Variants in IFT25 observed in about 807,000 individuals in gnomAD.
The protein encoded by IFT25 is intraflagellar transport protein 25 homolog.
At chr1:53,928,426 T>C in the IFT25 span, 5 of 1,611,566 alleles carry the variant, frequency 3.1e-6, no homozygotes, top group African/African-American at 4.0e-5. Flanking sequence ...CTTTTTTCAA[T>C]CTTCAAGGTC....
chr1:53,916,895 A>G, the IFT25 span: 1 of 388,798 alleles, frequency 2.6e-6, no homozygotes, highest in Non-Finnish European at 4.5e-6. Context: ...TAATCCCAGC[A>G]CTTTGGGAGG....
the IFT25 span, among the ~76,000 whole-genome samples, chr1:53,937,699 T>G: frequency 6.6e-6 from 1 of 152,198 alleles, no homozygotes; most frequent in Non-Finnish European, 1.5e-5. Flanking sequence ...ACCAAAGTAG[T>G]GCAGGGTAAA....
At chr1:53,912,367 C>T in the IFT25 span, among the ~76,000 whole-genome samples, 39 of 152,252 alleles carry the variant, frequency 2.6e-4, no homozygotes, top group Admixed American at 1.6e-3. Flanking sequence ...TTTCTGGGTG[C>T]AGAGTTATGC....
chr1:53,931,637 T>G, the IFT25 span, among the ~76,000 whole-genome samples: 19 of 152,230 alleles, frequency 1.2e-4, no homozygotes, highest in Admixed American at 3.9e-4. Flanking sequence ...TTCATCTAAG[T>G]TGTCAAATGT....
chr1:53,921,209 G>A, the IFT25 span, among the ~76,000 whole-genome samples: 481 of 152,104 alleles, frequency 3.2e-3, 3 homozygotes, highest in African/African-American at 0.01. Flanking sequence ...AAAATCACTC[G>A]TTTTACAGGG....
chr1:53,919,405 A>G, the IFT25 span, among the ~76,000 whole-genome samples: 5 of 152,334 alleles, frequency 3.3e-5, no homozygotes, highest in African/African-American at 1.2e-4. Flanking sequence ...ACAAGAAACA[A>G]CTTGGAGCAG....
the IFT25 span, among the ~76,000 whole-genome samples, chr1:53,933,970 T>C: frequency 6.6e-6 from 1 of 152,220 alleles, no homozygotes. Context: ...GTGCCATTGT[T>C]GTCATATATT....
At chr1:53,919,326 T>C in the IFT25 span, among the ~76,000 whole-genome samples, 1 of 152,216 alleles carries the variant, frequency 6.6e-6, no homozygotes, top group Non-Finnish European at 1.5e-5. Context: ...CACTGGGGAT[T>C]TCCCTCTTTG....
the IFT25 span, among the ~76,000 whole-genome samples, chr1:53,939,144 C>A: frequency 2.0e-5 from 3 of 149,882 alleles, no homozygotes; most frequent in Non-Finnish European, 4.4e-5. Context: ...GTAATCCCAG[C>A]ACTTTGGAAG....
the IFT25 span, among the ~76,000 whole-genome samples, chr1:53,936,295 C>A: frequency 2.0e-5 from 3 of 150,322 alleles, no homozygotes; most frequent in South Asian, 6.3e-4. Flanking sequence ...CTCAAAAAAA[C>A]AAAAATTAGT....
the IFT25 span, among the ~76,000 whole-genome samples, chr1:53,941,430 T>C: frequency 4.9e-3 from 746 of 152,358 alleles, 4 homozygotes; most frequent in African/African-American, 0.017. Context: ...TCTTAGTTTT[T>C]GTTTATTAGC....
chr1:53,928,289 A>C, the IFT25 span: 4 of 1,105,120 alleles, frequency 3.6e-6, no homozygotes, highest in Non-Finnish European at 5.4e-6. Flanking sequence ...TTTTTCACCA[A>C]AGTGCAGCTA....
chr1:53,917,355 C>A, the IFT25 span, among the ~76,000 whole-genome samples: 78 of 152,202 alleles, frequency 5.1e-4, 3 homozygotes, highest in South Asian at 0.016. Context: ...ATTATCAGGC[C>A]ATTTCAGTCA....
At chr1:53,922,153 G>A in the IFT25 span, among the ~76,000 whole-genome samples, 13 of 152,314 alleles carry the variant, frequency 8.5e-5, no homozygotes, top group East Asian at 2.5e-3. Flanking sequence ...CCAGCACTTT[G>A]GGAGGCTGAG....
the IFT25 span, among the ~76,000 whole-genome samples, chr1:53,919,779 A>C: frequency 6.6e-6 from 1 of 150,512 alleles, no homozygotes; most frequent in Non-Finnish European, 1.5e-5. Context: ...ATTTCATGCA[A>C]ATCAATAACT....
At chr1:53,944,330 C>T in the IFT25 span, among the ~76,000 whole-genome samples, 1 of 152,092 alleles carries the variant, frequency 6.6e-6, no homozygotes, top group Non-Finnish European at 1.5e-5. Flanking sequence ...ATGGTGAAAC[C>T]CCAAAACCCT....
At chr1:53,921,876 A>G in the IFT25 span, 1 of 685,672 alleles carries the variant, frequency 1.5e-6, no homozygotes, top group Non-Finnish European at 2.6e-6. Flanking sequence ...CTAAATATAT[A>G]ACAACACATA....
At chr1:53,911,702 G>GT in the IFT25 span, among the ~76,000 whole-genome samples, 1 of 152,146 alleles carries the variant, frequency 6.6e-6, no homozygotes, top group Admixed American at 6.5e-5. Context: ...GAACTAGTAA[G>GT]TAACAAGCCG....
the IFT25 span, among the ~76,000 whole-genome samples, chr1:53,935,968 G>T: frequency 6.6e-6 from 1 of 151,804 alleles, no homozygotes; most frequent in African/African-American, 2.4e-5. Flanking sequence ...ATTTTAAAAT[G>T]ACATCTAACT....
Sources: allele counts gnomAD v4.1 joint callset (sites outside exome capture counted in the v4.1 genomes callset), GRCh38; gene constraint gnomAD v4.1.1; transcripts MANE v1.5; gene names NCBI Gene and HGNC (gene_info 2026-07-23, HGNC 2026-07-21).